CHRNA4: variants seen among roughly 807,000 people sequenced by gnomAD.
CHRNA4 encodes the protein cholinergic receptor nicotinic alpha 4 subunit.
A neutral mutation model predicts 48.9 loss-of-function variants in CHRNA4; 28 were observed. The ratio of observed to expected loss-of-function variants is 0.57; its 90% CI spans 0.42 to 0.79. CHRNA4 has a LOEUF of 0.79. Ranked by LOEUF, CHRNA4 falls within the 30% of genes least tolerant of loss-of-function variation. The pLI is 0.00. For missense variants in CHRNA4, 859 were observed against 898.4 expected (o/e 0.96, Z 0.56); for synonymous variants, 425 against 402.3 (o/e 1.06, Z -0.68).
chr20:63,355,559 G>A, intron 4 of CHRNA4: 1 of 1,294,814 alleles, frequency 7.7e-7, no homozygotes, highest in Non-Finnish European at 1.0e-6. Flanking sequence ...GGGTCTGATG[G>A]CGAAAAGCAC....
rs1327227207 is a variant in CHRNA4 at position 63,356,179 on chromosome 20, G to A, written c.274-95C>T. On this transcript the variant is annotated intron_variant, in intron 3 of 5. Coordinates refer to ENST00000370263, the MANE Select transcript of CHRNA4 (RefSeq NM_000744.7). ...CAGGGTGGGGCAGGGGCAGGGCCAG[G>A]GCAGGGCAGCAGGGTGAGGGGTGTG... 2.7e-4 allele frequency: 202 copies of A among 745,326 alleles called. 1 individual carries two copies. Among genetic ancestry groups the A allele is most frequent in the Admixed American group, 7.2e-5 (3 of 41,800 alleles). 46.2% of individuals were successfully genotyped at this position (745,326 alleles called of 1,614,324 possible). A position where few individuals can be genotyped will look rare whatever the true frequency, so the allele number is the denominator to read the frequency against.
Position 63,349,867 on chromosome 20 carries a change from G to A in CHRNA4, c.1544C>T (p.Thr515Ile), listed in dbSNP as rs200744367. The A allele has an allele frequency of 2.5e-6, 4 of 1,594,878 alleles. No individual in the cohort carries two copies. Among genetic ancestry groups the A allele is most frequent in the Admixed American group, 1.7e-5 (1 of 58,614 alleles). ...QAAGALASRN[T>I]HSAELPPPDQ... ...TGGGGGTGGGAGCTCAGCCGAGTGG[G>A]TGTTGCGAGAGGCCAGGGCGCCGGC... The change falls in exon 5 of 6, where the codon ACC (threonine) becomes ATC (isoleucine). Residue 515 changes from threonine to isoleucine, a missense_variant. This residue lies in a region of CHRNA4 where 478 missense variants were observed against 455.4 expected (regional missense o/e 1.05). Transcript: ENST00000370263.
At chr20:63,355,832 TGGGCTGGCATGCATG>T (rs1231100004) in intron 4 of CHRNA4, 128 bp downstream of exon 4, 1 of 1,171,674 alleles carries the variant, frequency 8.5e-7, no homozygotes, top group African/African-American at 1.5e-5. Context: ...TTCCTGGGCC[TGGGCTGGCATGCATG>T]GGGCTGGCAT....
At chr20:63,357,120 C>A (rs1419380911) in intron 2 of CHRNA4, among the ~76,000 whole-genome samples, 4 of 151,464 alleles carry the variant, frequency 2.6e-5, no homozygotes, top group African/African-American at 7.3e-5. Context: ...TCCCACAGGA[C>A]CACGTCTCCA....
chr20:63,359,897 CT>C (rs1233604122), intron 1 of CHRNA4, 198 bp from the exon 2 acceptor site: 4 of 435,360 alleles, frequency 9.2e-6, no homozygotes, highest in Non-Finnish European at 1.6e-5. Context: ...CGGGCGTGTG[CT>C]GTGTGTGTGT....
At chr20:63,356,663 C>A in intron 2 of CHRNA4, 2 of 580,618 alleles carry the variant, frequency 3.4e-6, no homozygotes, top group Non-Finnish European at 6.2e-6. Context: ...GAGGAGTCGG[C>A]GGCCTCACAG....
chr20:63,350,568 C>T lies in CHRNA4; in HGVS notation c.843G>A (p.Val281=), dbSNP rs2068578520. Residue 281 remains valine, a synonymous_variant, in exon 5 of 6, where the codon GTG becomes GTA. Coordinates refer to ENST00000370263, the MANE Select transcript of CHRNA4 (RefSeq NM_000744.7). ...CGEKITLCIS[V]LLSLTVFLLL... is the part of the protein sequence containing the mutation. ...GCAGGAAGACGGTGAGCGACAGCAG[C>T]ACGGAGATGCACAGCGTGATCTTCT... The T allele has an allele frequency of 1.9e-6, 3 of 1,613,778 alleles. No individual in the cohort carries two copies. Among genetic ancestry groups the T allele is most frequent in the African/African-American group, 1.3e-5 (1 of 74,850 alleles).
At chr20:63,359,888 G>GCCT in intron 1 of CHRNA4, 189 bp from the exon 2 acceptor site, 2 of 515,250 alleles carry the variant, frequency 3.9e-6, no homozygotes, top group Middle Eastern at 4.9e-4. Context: ...TGTGTGTGCC[G>GCCT]GGCGTGTGCT....
At chr20:63,349,252 G>A (rs1056018608) in intron 5 of CHRNA4, among the ~76,000 whole-genome samples, 16 of 152,212 alleles carry the variant, frequency 1.1e-4, no homozygotes, top group African/African-American at 3.6e-4. Context: ...AGGCACAGGC[G>A]CACTCTGGAG....
At chr20:63,349,628 C>T in intron 5 of CHRNA4, 25 bp downstream of exon 5, 1 of 1,612,448 alleles carries the variant, frequency 6.2e-7, no homozygotes, top group East Asian at 2.2e-5. Flanking sequence ...CAGAGGCGCC[C>T]AACACAGCCA....
rs200069626 is a variant in CHRNA4 at position 63,350,399 on chromosome 20, G to C, written c.1012C>G (p.His338Asp). 1.6e-4 allele frequency: 266 copies of C among 1,613,792 alleles called. No individual in the cohort carries two copies. The highest frequency in any genetic ancestry group is 2.2e-4 in the Non-Finnish European group (258 of 1,180,046). Residue 338 changes from histidine (H) to aspartate (D), a missense_variant, in exon 5 of 6, where the codon CAC (histidine) becomes GAC (aspartate). By Grantham distance (81) the His-to-Asp change is moderately conservative. Coordinates refer to ENST00000370263, the MANE Select transcript of CHRNA4 (RefSeq NM_000744.7). ...LNVHHRSPRT[H>D]TMPTWVRRVF... ...CTGCGTACCCAGGTGGGCATGGTGT[G>C]CGTGCGTGGCGAGCGGTGGTGCACG... is the stretch of plus-strand genomic sequence containing the variant.
chr20:63,350,166 C>T lies in CHRNA4; in HGVS notation c.1245G>A (p.Pro415=), dbSNP rs200164578. The T allele has an allele frequency of 2.3e-5, 36 of 1,584,744 alleles. No individual in the cohort carries two copies. The highest frequency in any genetic ancestry group is 2.0e-4 in the African/African-American group (15 of 74,442). ...SPSFCVPLDV[P]AEPGPSCKSP... is the part of the protein sequence containing the mutation. Reference sequence around the variant, plus strand: ...ACTTGCAGGAAGGCCCAGGCTCAGCCGGCACATCCAGGGGGACACAGAAGG... The same window carrying T: ...ACTTGCAGGAAGGCCCAGGCTCAGCTGGCACATCCAGGGGGACACAGAAGG... The change falls in exon 5 of 6, where the codon CCG becomes CCA. Residue 415 remains proline (P), a synonymous_variant. Coordinates refer to ENST00000370263, the MANE Select transcript of CHRNA4 (RefSeq NM_000744.7).
At chr20:63,353,798 C>T (rs1382145761) in intron 4 of CHRNA4, among the ~76,000 whole-genome samples, 7 of 39,344 alleles carry the variant, frequency 1.8e-4, no homozygotes, top group Non-Finnish European at 3.5e-4. Flanking sequence ...GGCTATGGTC[C>T]TAGAGGGGGC....
rs2068477430 is a variant in CHRNA4, at chr20:63,345,504, AG to A, written c.*1233del. ...TTTAGGGGGTGCACTGCCGGGCTCC[AG>A]GGTCATGCCTGGAAACATTTCAGGC... On this transcript the variant is annotated 3_prime_UTR_variant, in exon 6 of 6. Transcript: ENST00000370263. The surrounding 1 kb of genome is among the most constrained non-coding windows in gnomAD (Gnocchi z 5.4). 1 of 399,264 alleles carries A rather than the reference AG, an allele frequency of 2.5e-6. No individual in the cohort carries two copies. The highest frequency in any genetic ancestry group is 2.1e-5 in the African/African-American group (1 of 48,762). The allele number at this position is 399,264 out of a possible 1,614,324, so 24.7% of individuals were successfully genotyped here. A position where few individuals can be genotyped will look rare whatever the true frequency, so the allele number is the denominator to read the frequency against.
intron 4 of CHRNA4, among the ~76,000 whole-genome samples, chr20:63,352,321 G>A (rs2068627978): frequency 6.6e-6 from 1 of 152,166 alleles, no homozygotes; most frequent in Non-Finnish European, 1.5e-5. Flanking sequence ...TCCCTTTGTG[G>A]AGCCGCCACT....
chr20:63,350,940 G>A lies in CHRNA4; in HGVS notation c.471C>T (p.Tyr157=), dbSNP rs200811782. ...TGACGTCGATGCTGCAGGAGCTCTTGTAAATGGCCGGGGGAGTCCACTGCA... is the reference window on the plus strand; with the variant it reads ...TGACGTCGATGCTGCAGGAGCTCTTATAAATGGCCGGGGGAGTCCACTGCA... The part of the protein sequence containing the change: ...GRVQWTPPAI[Y]KSSCSIDVTF... The change falls in exon 5 of 6, where the codon TAC becomes TAT. Residue 157 remains tyrosine (Y), a synonymous_variant. Coordinates refer to ENST00000370263, the MANE Select transcript of CHRNA4 (RefSeq NM_000744.7). 5 of 1,613,946 alleles carry A rather than the reference G, an allele frequency of 3.1e-6. No individual in the cohort carries two copies. The South Asian group carries it at 3.3e-5, about 11-fold the overall frequency.
chr20:63,351,924 G>A (rs530872454), intron 4 of CHRNA4, among the ~76,000 whole-genome samples: 2 of 152,316 alleles, frequency 1.3e-5, no homozygotes, highest in Admixed American at 1.3e-4. Context: ...AGCACATTCA[G>A]GGCTGAGGCA....
Position 63,350,234 on chromosome 20 carries a change from G to A in CHRNA4, c.1177C>T (p.Pro393Ser), listed in dbSNP as rs2068568102. ...RFWPEPEGEP[P>S]ATSGTQSLHP... ...AGGCTCTGGGTGCCGCTCGTGGCAG[G>A]GGGCTCCCCTTCTGGCTCGGGCCAG... Residue 393 changes from proline to serine, a missense_variant, in exon 5 of 6, where the codon CCT becomes TCT. Pro to Ser is a moderately conservative substitution (Grantham distance 74, BLOSUM62 -1). This residue lies in a region of CHRNA4 where 478 missense variants were observed against 455.4 expected (regional missense o/e 1.05). Coordinates refer to ENST00000370263, the MANE Select transcript of CHRNA4 (RefSeq NM_000744.7). The A allele has an allele frequency of 6.8e-6, 11 of 1,609,284 alleles. No individual in the cohort carries two copies. The highest frequency in any genetic ancestry group is 8.5e-6 in the Non-Finnish European group (10 of 1,178,220).
intron 5 of CHRNA4, 96 bp downstream of exon 5, chr20:63,349,557 C>G (rs1260099194): frequency 1.6e-5 from 25 of 1,518,964 alleles, no homozygotes; most frequent in Non-Finnish European, 2.2e-5. Context: ...AGCCTGAGGC[C>G]TGGGCCCGGC....
Sources: allele counts gnomAD v4.1 joint callset (sites outside exome capture counted in the v4.1 genomes callset), GRCh38; gene constraint gnomAD v4.1.1; regional missense constraint gnomAD v4.1.1; non-coding constraint Gnocchi (gnomAD v3.1); transcripts MANE v1.5; gene names NCBI Gene and HGNC (gene_info 2026-07-23, HGNC 2026-07-21).